Variants in TMEM132C observed in about 807,000 individuals in gnomAD.
TMEM132C encodes protein phosphatase 1, regulatory subunit 152.
Under a neutral mutation model 61.4 loss-of-function variants are expected in TMEM132C, and 29 were observed. That is an observed-to-expected ratio of 0.47 (90% CI 0.35 to 0.64). The LOEUF (loss-of-function observed/expected upper bound fraction) is 0.64. Ranked by LOEUF, TMEM132C falls within the 30% of genes least tolerant of loss-of-function variation. The pLI is 0.00. For synonymous variants in TMEM132C, 656 were observed against 633.1 expected (o/e 1.04, Z -0.54); for missense variants, 1,408 against 1,476.9 (o/e 0.95, Z 0.76).
At chr12:128,340,444 G>A (rs1872920590) in intron 1 of TMEM132C, among the ~76,000 whole-genome samples, 1 of 151,976 alleles carries the variant, frequency 6.6e-6, no homozygotes, top group Admixed American at 6.6e-5. Context: ...AATAAATAAA[G>A]AGCTGTTACA....
At chr12:128,340,809 T>C (rs926743086) in intron 1 of TMEM132C, among the ~76,000 whole-genome samples, 34 of 150,050 alleles carry the variant, frequency 2.3e-4, no homozygotes, top group African/African-American at 7.9e-4. Flanking sequence ...CTTTCTTTCT[T>C]TCTCTCTTTC....
intron 4 of TMEM132C, among the ~76,000 whole-genome samples, chr12:128,651,640 G>C (rs13377805): frequency 0.32 from 48,553 of 151,904 alleles, 8,445 homozygotes; most frequent in African/African-American, 0.44. Flanking sequence ...GGGAGACAGA[G>C]AAGGCCTCAA....
intron 4 of TMEM132C, among the ~76,000 whole-genome samples, chr12:128,654,430 C>T (rs1954303487): frequency 6.6e-6 from 1 of 152,168 alleles, no homozygotes; most frequent in African/African-American, 2.4e-5. Flanking sequence ...TTCTGGCCTC[C>T]AGAACAGTGA....
At chr12:128,492,185 C>CT (rs1363395086) in intron 2 of TMEM132C, among the ~76,000 whole-genome samples, 1 of 152,102 alleles carries the variant, frequency 6.6e-6, no homozygotes. Flanking sequence ...TGAACTCATC[C>CT]TTTTTTATGG....
At chr12:128,426,118 G>A (rs989913900) in intron 2 of TMEM132C, among the ~76,000 whole-genome samples, 3 of 152,206 alleles carry the variant, frequency 2.0e-5, no homozygotes, top group African/African-American at 7.2e-5. Flanking sequence ...TGGTGGAAAA[G>A]CAAAGTTACA....
chr12:128,267,505 G>T lies in TMEM132C; in HGVS notation c.85+18G>T, dbSNP rs1431553729. The T allele has an allele frequency of 1.5e-5, 19 of 1,235,806 alleles. No homozygotes were observed. In the East Asian group the frequency reaches 1.9e-4, roughly 13 times the overall value. The allele number at this position is 1,235,806 out of a possible 1,614,324, so 76.6% of individuals were successfully genotyped here. A position where few individuals can be genotyped will look rare whatever the true frequency, so the allele number is the denominator to read the frequency against. On this transcript the variant is annotated intron_variant, in intron 1 of 8. Coordinates refer to ENST00000435159, the MANE Select transcript of TMEM132C (RefSeq NM_001136103.3). Reference sequence around the variant, plus strand: ...GGGCAAAGGTAAGGCCGGGGCGGGTGCCTGGCGCGCCGACGCATGCGAACT... The same window carrying T: ...GGGCAAAGGTAAGGCCGGGGCGGGTTCCTGGCGCGCCGACGCATGCGAACT...
intron 4 of TMEM132C, among the ~76,000 whole-genome samples, chr12:128,665,117 TCA>T (rs768340152): frequency 1.0e-5 from 1 of 95,536 alleles, no homozygotes; most frequent in Non-Finnish European, 2.3e-5. Flanking sequence ...ACACAGGCAC[TCA>T]CACACACATA....
intron 3 of TMEM132C, among the ~76,000 whole-genome samples, chr12:128,562,305 C>G (rs901420788): frequency 1.1e-4 from 16 of 152,190 alleles, no homozygotes; most frequent in Non-Finnish European, 2.2e-4. Flanking sequence ...GAGAGATTAT[C>G]TTAATAACTT....
At chr12:128,638,660 C>T (rs1232298186) in intron 4 of TMEM132C, among the ~76,000 whole-genome samples, 1 of 152,156 alleles carries the variant, frequency 6.6e-6, no homozygotes, top group East Asian at 1.9e-4. Flanking sequence ...GTATCTCTGG[C>T]TCCAGGGTTT....
chr12:128,403,132 G>T lies in TMEM132C; in HGVS notation c.86-11600G>T, dbSNP rs567164514. ...TGAAATCAAATAATCCATTTATCAA[G>T]GTGCCTTTTGTTTCAATAAAAAGGA... On this transcript the variant is annotated intron_variant, in intron 1 of 8. Coordinates refer to ENST00000435159, the MANE Select transcript of TMEM132C (RefSeq NM_001136103.3). Among the ~76,000 whole-genome samples, 6 of 152,326 alleles carry T rather than the reference G, an allele frequency of 3.9e-5. No individual in the cohort carries two copies. In the South Asian group the frequency reaches 1.2e-3, roughly 32 times the overall value.
chr12:128,537,606 G>C (rs1873578762), intron 2 of TMEM132C, among the ~76,000 whole-genome samples: 1 of 152,230 alleles, frequency 6.6e-6, no homozygotes. Flanking sequence ...TGTGAGAACT[G>C]TAGTGCTAGA....
chr12:128,401,475 C>T (rs1875154939), intron 1 of TMEM132C, among the ~76,000 whole-genome samples: 1 of 152,090 alleles, frequency 6.6e-6, no homozygotes, highest in African/African-American at 2.4e-5. Flanking sequence ...TTTAGAGTCA[C>T]CATGGGTGTG....
chr12:128,338,752 G>A (rs1290682925), intron 1 of TMEM132C, among the ~76,000 whole-genome samples: 1 of 103,152 alleles, frequency 9.7e-6, no homozygotes, highest in East Asian at 2.2e-4. Context: ...TTTTCCTTCT[G>A]CAGAAATATA....
At chr12:128,334,904 A>G (rs961506168) in intron 1 of TMEM132C, among the ~76,000 whole-genome samples, 1 of 152,060 alleles carries the variant, frequency 6.6e-6, no homozygotes, top group African/African-American at 2.4e-5. Flanking sequence ...CCCTTTTTCA[A>G]TTTTGTAGTG....
chr12:128,284,691 C>T (rs1871004139), intron 1 of TMEM132C, among the ~76,000 whole-genome samples: 1 of 152,126 alleles, frequency 6.6e-6, no homozygotes, highest in African/African-American at 2.4e-5. Flanking sequence ...CTACCTATAG[C>T]AGTTAAACAT....
Position 128,700,901 on chromosome 12 carries a change from A to G in TMEM132C, c.2121+3486A>G, listed in dbSNP as rs141759225. The stretch of plus-strand genomic sequence containing the variant: ...TCTGCTCAGAAGCTGAGCCTGAGAC[A>G]AGGATTCAGGTGCAAGTAGTTTATT... On this transcript the variant is annotated intron_variant, in intron 8 of 8. Coordinates refer to ENST00000435159, the MANE Select transcript of TMEM132C (RefSeq NM_001136103.3). Among the ~76,000 whole-genome samples the G allele has an allele frequency of 1.3e-3, 200 of 152,326 alleles. 1 individual carries two copies. The highest frequency in any genetic ancestry group is 4.5e-3 in the African/African-American group (186 of 41,572).
intron 1 of TMEM132C, among the ~76,000 whole-genome samples, chr12:128,332,736 T>A (rs992177145): frequency 1.6e-4 from 25 of 152,238 alleles, no homozygotes; most frequent in Admixed American, 1.6e-3. Context: ...ACTGTGGACC[T>A]GAGTGGGTGT....
intron 1 of TMEM132C, among the ~76,000 whole-genome samples, chr12:128,372,647 T>G (rs1269905770): frequency 6.6e-6 from 1 of 152,186 alleles, no homozygotes; most frequent in African/African-American, 2.4e-5. Context: ...ACAAGATATA[T>G]TCCTAGATTA....
chr12:128,409,529 A>G (rs1472407717), intron 1 of TMEM132C, among the ~76,000 whole-genome samples: 1 of 152,176 alleles, frequency 6.6e-6, no homozygotes, highest in East Asian at 1.9e-4. Flanking sequence ...AGTTCCTCCC[A>G]TCTTCAAAGA....
Sources: allele counts gnomAD v4.1 joint callset (sites outside exome capture counted in the v4.1 genomes callset), GRCh38; gene constraint gnomAD v4.1.1; transcripts MANE v1.5; gene names NCBI Gene and HGNC (gene_info 2026-07-23, HGNC 2026-07-21).